PIK3CA: variants seen among roughly 807,000 people sequenced by gnomAD.
The protein encoded by PIK3CA is phosphatidylinositol 4,5-bisphosphate 3-kinase catalytic subunit alpha isoform.
A neutral mutation model predicts 138.2 loss-of-function variants in PIK3CA; 27 were observed. That is an observed-to-expected ratio of 0.20 (90% confidence interval 0.14 to 0.27). The LOEUF (loss-of-function observed/expected upper bound fraction) is 0.27. Among genes scored for constraint, PIK3CA ranks in the 10% least tolerant of loss-of-function variants. The pLI is 1.00. For missense variants in PIK3CA, 544 were observed against 1,277.4 expected (o/e 0.43, Z 8.75); for synonymous variants, 358 against 413.2 (o/e 0.87, Z 1.62).
chr3:179,225,013 A>G (rs1269262732), intron 16 of PIK3CA, among the ~76,000 whole-genome samples, 192 bp downstream of exon 16: 1 of 152,186 alleles, frequency 6.6e-6, no homozygotes, highest in Non-Finnish European at 1.5e-5. Flanking sequence ...AAGAAGTACT[A>G]GGTTTAGATC....
chr3:179,198,726 A>G (rs749553887), intron 1 of PIK3CA, 24 bp from the exon 2 acceptor site: 10 of 613,726 alleles, frequency 1.6e-5, no homozygotes, highest in Admixed American at 7.0e-5. Context: ...CTCTTTTAAC[A>G]TATGTTTTCC....
chr3:179,170,802 A>G (rs1175273378), intron 1 of PIK3CA, among the ~76,000 whole-genome samples: 2 of 152,226 alleles, frequency 1.3e-5, no homozygotes, highest in Non-Finnish European at 2.9e-5. Context: ...GCATGAAACA[A>G]AGATTGATAG....
rs1243716630 is a variant in PIK3CA, at chr3:179,219,174, T to C, written c.1665-22T>C. On this transcript the variant is annotated intron_variant, in intron 10 of 20. Coordinates refer to ENST00000263967, the MANE Select transcript of PIK3CA (RefSeq NM_006218.4). The surrounding 1 kb of genome is among the most constrained non-coding windows in gnomAD (Gnocchi z 4.2). ...GAACAGCATGCAAGAATGTTTATGT[T>C]TATTTTGTTTCTCCCACACAGACAC... is the stretch of plus-strand genomic sequence containing the variant. The C allele has an allele frequency of 4.2e-6, 6 of 1,445,012 alleles. No individual in the cohort carries two copies. Among genetic ancestry groups the C allele is most frequent in the Non-Finnish European group, 5.8e-6 (6 of 1,028,640 alleles). The allele number at this position is 1,445,012 out of a possible 1,614,324, so 89.5% of individuals were successfully genotyped here.
At chr3:179,198,584 C>T (rs533922511) in intron 1 of PIK3CA, among the ~76,000 whole-genome samples, 166 bp from the exon 2 acceptor site, 1 of 152,002 alleles carries the variant, frequency 6.6e-6, no homozygotes, top group African/African-American at 2.4e-5. Context: ...TCTTTGTAGC[C>T]TAATTTAGAG....
chr3:179,236,255 A>G lies in PIK3CA; in HGVS notation c.*1891A>G, dbSNP rs1725331404. 2 of 206,750 alleles carry G rather than the reference A, an allele frequency of 9.7e-6. No individual in the cohort carries two copies. The highest frequency in any genetic ancestry group is 2.0e-5 in the Non-Finnish European group (2 of 101,452). The allele number at this position is 206,750 out of a possible 1,614,324, so 12.8% of individuals were successfully genotyped here. A position where few individuals can be genotyped will look rare whatever the true frequency, so the allele number is the denominator to read the frequency against. On this transcript the variant is annotated 3_prime_UTR_variant, in exon 21 of 21. Coordinates refer to ENST00000263967, the MANE Select transcript of PIK3CA (RefSeq NM_006218.4). Reference sequence around the variant, plus strand: ...AAGCATGTATATAATATTGCCAACAAGAAAAGTAAATTTGAAGATTAAGGG... The same window carrying G: ...AAGCATGTATATAATATTGCCAACAGGAAAAGTAAATTTGAAGATTAAGGG...
intron 14 of PIK3CA, among the ~76,000 whole-genome samples, chr3:179,221,904 C>T (rs532481625): frequency 1.4e-4 from 22 of 151,868 alleles, no homozygotes; most frequent in South Asian, 6.2e-4. Context: ...GACAGTGTTT[C>T]GCTTTGTTGC....
intron 1 of PIK3CA, among the ~76,000 whole-genome samples, chr3:179,174,096 C>T (rs984599668): frequency 1.3e-5 from 2 of 152,140 alleles, no homozygotes; most frequent in African/African-American, 4.8e-5. Context: ...ACTCATCAAA[C>T]TGAATTTTAA....
At chr3:179,202,904 T>C (rs567387247) in intron 4 of PIK3CA, among the ~76,000 whole-genome samples, 1 of 151,496 alleles carries the variant, frequency 6.6e-6, no homozygotes, top group East Asian at 1.9e-4. Flanking sequence ...TGTTATCATA[T>C]ACAATGTTTT....
At chr3:179,173,028 CA>C (rs1264309265) in intron 1 of PIK3CA, among the ~76,000 whole-genome samples, 1 of 151,928 alleles carries the variant, frequency 6.6e-6, no homozygotes, top group Non-Finnish European at 1.5e-5. Flanking sequence ...TAATATTTTT[CA>C]ATTAATTTCT....
intron 1 of PIK3CA, among the ~76,000 whole-genome samples, chr3:179,176,320 G>A (rs1723696922): frequency 6.6e-6 from 1 of 152,116 alleles, no homozygotes; most frequent in South Asian, 2.1e-4. Context: ...TCCTAGTCCT[G>A]AACTTAATGG....
At chr3:179,187,556 AAG>A (rs1253674195) in intron 1 of PIK3CA, among the ~76,000 whole-genome samples, 2 of 150,306 alleles carry the variant, frequency 1.3e-5, no homozygotes, top group Non-Finnish European at 3.0e-5. Flanking sequence ...AAAAAAAAAA[AAG>A]AGAGAAACGG....
intron 1 of PIK3CA, among the ~76,000 whole-genome samples, chr3:179,192,759 A>G (rs1053169032): frequency 2.0e-5 from 3 of 152,260 alleles, no homozygotes; most frequent in Non-Finnish European, 4.4e-5. Context: ...CTTTATTTAC[A>G]AAAGCAAGTG....
intron 1 of PIK3CA, among the ~76,000 whole-genome samples, chr3:179,152,297 C>G (rs1576909867): frequency 6.6e-6 from 1 of 152,138 alleles, no homozygotes; most frequent in Non-Finnish European, 1.5e-5. Flanking sequence ...TAGTACTGCA[C>G]TGGAAATAAG....
rs1224387893 is a variant in PIK3CA at position 179,174,900 on chromosome 3, T to C, written c.-76-23850T>C. 2.0e-5 allele frequency among the ~76,000 whole-genome samples: 3 copies of C among 152,350 alleles called. No individual in the cohort carries two copies. The East Asian group carries it at 5.8e-4, about 29-fold the overall frequency. ...GTTACCATTGTGTCTGAATTTGTCT[T>C]TCCATGGGCTTCAATCCATCTTTGC... is the stretch of plus-strand genomic sequence containing the variant. On this transcript the variant is annotated intron_variant, in intron 1 of 20. Transcript: ENST00000263967.
At chr3:179,166,874 G>T (rs1288418267) in intron 1 of PIK3CA, among the ~76,000 whole-genome samples, 1 of 152,024 alleles carries the variant, frequency 6.6e-6, no homozygotes, top group East Asian at 1.9e-4. Flanking sequence ...ATGTAGCCAC[G>T]GTTTAAACCA....
intron 1 of PIK3CA, among the ~76,000 whole-genome samples, chr3:179,156,443 GA>G (rs1223625981): frequency 1.3e-5 from 2 of 152,090 alleles, no homozygotes; most frequent in African/African-American, 4.8e-5. Context: ...AGACTTCTAG[GA>G]AAGTATATTC....
chr3:179,156,052 T>C (rs1378528131), intron 1 of PIK3CA, among the ~76,000 whole-genome samples: 1 of 152,022 alleles, frequency 6.6e-6, no homozygotes, highest in Non-Finnish European at 1.5e-5. Context: ...CAGGGAAGAG[T>C]AAGTAAATCA....
chr3:179,199,370 G>A (rs1388702382), intron 2 of PIK3CA, among the ~76,000 whole-genome samples, 193 bp downstream of exon 2: 2 of 151,914 alleles, frequency 1.3e-5, no homozygotes, highest in Non-Finnish European at 2.9e-5. Flanking sequence ...ATTCCATAAG[G>A]TTTTATTTAA....
intron 9 of PIK3CA, among the ~76,000 whole-genome samples, chr3:179,215,192 A>G (rs1254314030): frequency 6.6e-6 from 1 of 152,154 alleles, no homozygotes; most frequent in Non-Finnish European, 1.5e-5. Flanking sequence ...GTTTACCACT[A>G]CTTTTCGGAA....
Sources: allele counts gnomAD v4.1 joint callset (sites outside exome capture counted in the v4.1 genomes callset), GRCh38; gene constraint gnomAD v4.1.1; non-coding constraint Gnocchi (gnomAD v3.1); transcripts MANE v1.5; gene names NCBI Gene and HGNC (gene_info 2026-07-23, HGNC 2026-07-21).